The following KCNN3 variants were observed in gnomAD, a reference collection of about 807,000 sequenced individuals.
The protein encoded by KCNN3 is small conductance calcium-activated potassium channel protein 3.
In KCNN3, 16 loss-of-function variants were observed where a neutral mutation model predicts 62.9. That is an observed-to-expected ratio of 0.25 (90% CI 0.17 to 0.39). The LOEUF (loss-of-function observed/expected upper bound fraction) is 0.39. KCNN3 is among the 10% of genes least tolerant of loss of function. The pLI, the probability that KCNN3 is intolerant of heterozygous loss-of-function variation, is 1.00. For missense variants in KCNN3, 599 were observed against 949.4 expected, an observed-to-expected ratio of 0.63 and a Z score of 4.85; for synonymous variants, 370 against 389.2, an observed-to-expected ratio of 0.95 and a Z score of 0.58.
chr1:154,722,266 T>A (rs151127435), intron 5 of KCNN3, among the ~76,000 whole-genome samples: 1 of 152,320 alleles, frequency 6.6e-6, no homozygotes, highest in African/African-American at 2.4e-5. Context: ...ACTGCTTTTA[T>A]CTGTCAAATC....
At position 154,707,569 on chromosome 1, in the gene KCNN3, C is replaced by T. The variant is rs539977791; in HGVS notation, c.*407G>A. ...TCAAAGACCCCCATGGCGAAGAGCC[C>T]ATCCCCCAAGCCTGACACAACCCTC... is the stretch of plus-strand genomic sequence containing the variant. On this transcript the variant is annotated 3_prime_UTR_variant, in exon 8 of 8. Coordinates refer to ENST00000271915, the MANE Select transcript of KCNN3 (RefSeq NM_002249.6). 1 of 168,040 alleles carries T rather than the reference C, an allele frequency of 6.0e-6. No homozygotes were observed. The highest frequency in any genetic ancestry group is 1.7e-4 in the South Asian group (1 of 6,034). The allele number at this position is 168,040 out of a possible 1,614,324, so 10.4% of individuals were successfully genotyped here.
chr1:154,764,284 G>A (rs1648157689), intron 3 of KCNN3, among the ~76,000 whole-genome samples: 2 of 151,784 alleles, frequency 1.3e-5, no homozygotes, highest in South Asian at 4.1e-4. Flanking sequence ...TTCTGTCTTA[G>A]CTATGTGGGC....
chr1:154,769,383 T>C (rs1342375609), intron 3 of KCNN3, among the ~76,000 whole-genome samples: 1 of 152,202 alleles, frequency 6.6e-6, no homozygotes, highest in East Asian at 1.9e-4. Flanking sequence ...TTGCTCATTG[T>C]TCCTCTGTGC....
At chr1:154,776,011 T>C (rs1437450736) in intron 2 of KCNN3, among the ~76,000 whole-genome samples, 2 of 43,358 alleles carry the variant, frequency 4.6e-5, no homozygotes, top group Non-Finnish European at 1.0e-4. Flanking sequence ...AGTGGGATTG[T>C]AAGTAAGAGC....
At chr1:154,807,661 T>A (rs759060411) in intron 2 of KCNN3, among the ~76,000 whole-genome samples, 1 of 152,150 alleles carries the variant, frequency 6.6e-6, no homozygotes, top group Admixed American at 6.5e-5. Context: ...TTGTGAACAA[T>A]AAGGGAAGAG....
chr1:154,737,673 C>T (rs1250681480), intron 3 of KCNN3, among the ~76,000 whole-genome samples: 1 of 151,768 alleles, frequency 6.6e-6, no homozygotes, highest in Non-Finnish European at 1.5e-5. Flanking sequence ...GAATGGAATG[C>T]TGTATGAAAA....
chr1:154,754,212 G>A (rs533235541), intron 3 of KCNN3, among the ~76,000 whole-genome samples: 9 of 152,270 alleles, frequency 5.9e-5, no homozygotes, highest in African/African-American at 1.2e-4. Context: ...TAGTAGGAAC[G>A]GTAACTGGAA....
chr1:154,818,253 A>G (rs1046908394), intron 2 of KCNN3, among the ~76,000 whole-genome samples: 4 of 152,298 alleles, frequency 2.6e-5, no homozygotes, highest in East Asian at 3.9e-4. Context: ...GGAGGCTACC[A>G]TGCGGGAAAC....
intron 2 of KCNN3, among the ~76,000 whole-genome samples, chr1:154,812,661 C>T (rs1245304372): frequency 6.6e-6 from 1 of 152,170 alleles, no homozygotes; most frequent in Non-Finnish European, 1.5e-5. Flanking sequence ...GGGACTTGGC[C>T]ACTTACTCTA....
At chr1:154,765,693 A>G (rs1312431812) in intron 3 of KCNN3, among the ~76,000 whole-genome samples, 1 of 149,206 alleles carries the variant, frequency 6.7e-6, no homozygotes, top group Non-Finnish European at 1.5e-5. Flanking sequence ...CAGTGGCGCA[A>G]TCTCTGCTCG....
intron 3 of KCNN3, among the ~76,000 whole-genome samples, chr1:154,753,326 G>A (rs1459725788): frequency 6.6e-6 from 1 of 152,008 alleles, no homozygotes; most frequent in Non-Finnish European, 1.5e-5. Flanking sequence ...GCTTCTGCCT[G>A]TACTTACTAA....
chr1:154,761,584 T>C (rs1648015613), intron 3 of KCNN3, among the ~76,000 whole-genome samples: 1 of 152,226 alleles, frequency 6.6e-6, no homozygotes, highest in African/African-American at 2.4e-5. Flanking sequence ...TGCTATTTTG[T>C]ACGCTCCTTT....
chr1:154,845,625 G>A (rs568409014), intron 1 of KCNN3, among the ~76,000 whole-genome samples: 1 of 152,246 alleles, frequency 6.6e-6, no homozygotes, highest in African/African-American at 2.4e-5. Flanking sequence ...ATTGCTGTGT[G>A]GCATGGGGCC....
At chr1:154,786,563 T>A (rs77269028) in intron 2 of KCNN3, among the ~76,000 whole-genome samples, 4,376 of 152,310 alleles carry the variant, frequency 0.029, 196 homozygotes, top group African/African-American at 0.1. Flanking sequence ...GGGTATAGTG[T>A]GATTCCTCTT....
intron 1 of KCNN3, 124 bp downstream of exon 1, chr1:154,868,908 C>A (rs1270388388): frequency 1.8e-6 from 1 of 556,126 alleles, no homozygotes; most frequent in South Asian, 3.5e-5. Context: ...CAATCTCTCT[C>A]TCTCTCTCTC....
At chr1:154,738,446 C>T (rs72700226) in intron 3 of KCNN3, among the ~76,000 whole-genome samples, 12,493 of 152,194 alleles carry the variant, frequency 0.082, 729 homozygotes, top group African/African-American at 0.15. Flanking sequence ...TTTTCAGATA[C>T]GTAAGGTTGT....
chr1:154,813,824 C>T (rs1050156549), intron 2 of KCNN3, among the ~76,000 whole-genome samples: 5 of 152,188 alleles, frequency 3.3e-5, no homozygotes, highest in Non-Finnish European at 5.9e-5. Context: ...GCACACCCAC[C>T]CCATCGGAGA....
chr1:154,808,631 G>A (rs996809816), intron 2 of KCNN3, among the ~76,000 whole-genome samples: 1 of 152,114 alleles, frequency 6.6e-6, no homozygotes, highest in African/African-American at 2.4e-5. Flanking sequence ...TGTGCTGAAT[G>A]AATTAATCAC....
At chr1:154,744,026 C>T (rs916996956) in intron 3 of KCNN3, among the ~76,000 whole-genome samples, 2 of 152,190 alleles carry the variant, frequency 1.3e-5, no homozygotes, top group Non-Finnish European at 2.9e-5. Flanking sequence ...AAGTGCACTA[C>T]TGCCCCACAC....
Sources: allele counts gnomAD v4.1 joint callset (sites outside exome capture counted in the v4.1 genomes callset), GRCh38; gene constraint gnomAD v4.1.1; transcripts MANE v1.5; gene names NCBI Gene and HGNC (gene_info 2026-07-23, HGNC 2026-07-21).